Variants in TMEM230 observed in about 807,000 individuals in gnomAD.
TMEM230 encodes transmembrane protein 230.
A neutral mutation model predicts 15.8 loss-of-function variants in TMEM230; 10 were observed. The observed-to-expected ratio is 0.63, with a 90% CI of 0.39 to 1.07. The LOEUF is 1.07. Among genes scored for constraint, TMEM230 ranks in the 50% least tolerant of loss-of-function variants. The probability of loss-of-function intolerance (pLI) is 0.01; values close to 1 mark genes in which losing one functional copy is unlikely to be tolerated. For synonymous variants in TMEM230, 67 were observed against 76.9 expected (o/e 0.87, Z 0.68); for missense variants, 165 against 193.3 (o/e 0.85, Z 0.87).
intron 4 of TMEM230, among the ~76,000 whole-genome samples, chr20:5,103,279 T>A (rs952582862): frequency 6.6e-6 from 1 of 151,380 alleles, no homozygotes; most frequent in Non-Finnish European, 1.5e-5. Flanking sequence ...CTGGGCAACA[T>A]AATGAGATCT....
downstream of TMEM230, among the ~76,000 whole-genome samples, chr20:5,099,224 AAATAAATAAAT>A (rs2089757327): frequency 8.0e-6 from 1 of 125,490 alleles, no homozygotes; most frequent in Admixed American, 8.6e-5. Flanking sequence ...ATAAATAAAT[AAATAAATAAAT>A]CAATCAATCA....
chr20:5,078,125 A>G (rs1319414423), intron 3 of TMEM230, among the ~76,000 whole-genome samples: 3 of 152,190 alleles, frequency 2.0e-5, no homozygotes, highest in Non-Finnish European at 2.9e-5. Flanking sequence ...AGACATGTCA[A>G]TTAGACACAG....
downstream of TMEM230, among the ~76,000 whole-genome samples, chr20:5,063,407 C>A (rs904840838): frequency 6.6e-6 from 1 of 150,386 alleles, no homozygotes; most frequent in African/African-American, 2.5e-5. Context: ...CCTGCCTCAG[C>A]CTACTGAGTA....
At chr20:5,091,310 A>C (rs1251113496) in intron 3 of TMEM230, among the ~76,000 whole-genome samples, 1 of 152,146 alleles carries the variant, frequency 6.6e-6, no homozygotes, top group Non-Finnish European at 1.5e-5. Flanking sequence ...TCCCCGGTTC[A>C]AGTGATTCTC....
intron 3 of TMEM230, among the ~76,000 whole-genome samples, chr20:5,085,878 G>A (rs1405763608): frequency 6.6e-6 from 1 of 152,078 alleles, no homozygotes; most frequent in Non-Finnish European, 1.5e-5. Flanking sequence ...GGCCCCTCGT[G>A]TTACAACCTC....
At chr20:5,069,058 T>A (rs2088739990) in exon 4 of TMEM230, 1 of 814,368 alleles carries the variant, frequency 1.2e-6, no homozygotes. Flanking sequence ...CCTCCACATA[T>A]CCTGCTCTTA....
downstream of TMEM230, among the ~76,000 whole-genome samples, chr20:5,064,008 G>C (rs1043446202): frequency 6.6e-6 from 1 of 152,108 alleles, no homozygotes; most frequent in Admixed American, 6.6e-5. Context: ...GTGCGCATCT[G>C]TAATCCCAGC....
At chr20:5,081,263 T>C (rs1052317299) in intron 3 of TMEM230, among the ~76,000 whole-genome samples, 2 of 152,026 alleles carry the variant, frequency 1.3e-5, no homozygotes, top group Non-Finnish European at 2.9e-5. Flanking sequence ...CTGCTGTAAG[T>C]GGGCGGTGGG....
downstream of TMEM230, among the ~76,000 whole-genome samples, chr20:5,097,664 G>C (rs1332472647): frequency 2.0e-5 from 3 of 152,134 alleles, no homozygotes; most frequent in African/African-American, 7.2e-5. Context: ...TTGAGACGGA[G>C]TCTCACTCTG....
intron 1 of TMEM230, among the ~76,000 whole-genome samples, chr20:5,112,251 C>G (rs185104387): frequency 6.6e-6 from 1 of 152,318 alleles, no homozygotes; most frequent in East Asian, 1.9e-4. Flanking sequence ...GTCTAGAAAT[C>G]AAGTATTTAA....
intron 3 of TMEM230, among the ~76,000 whole-genome samples, chr20:5,086,791 C>T (rs879140739): frequency 6.6e-6 from 1 of 151,750 alleles, no homozygotes; most frequent in Non-Finnish European, 1.5e-5. Context: ...CCTCAACCTT[C>T]TAGCCTCAAG....
At chr20:5,079,818 G>A (rs1277128889) in intron 3 of TMEM230, among the ~76,000 whole-genome samples, 1 of 151,948 alleles carries the variant, frequency 6.6e-6, no homozygotes, top group East Asian at 1.9e-4. Flanking sequence ...GCAGAGGTGC[G>A]ATCCTGGCTC....
the TMEM230 span, among the ~76,000 whole-genome samples, chr20:5,061,643 A>G: frequency 6.6e-6 from 1 of 152,208 alleles, no homozygotes; most frequent in Non-Finnish European, 1.5e-5. Context: ...AACATAGGTC[A>G]TAGGCTGATC....
chr20:5,067,109 G>A (rs981049692), downstream of TMEM230: 5 of 152,016 alleles, frequency 3.3e-5, no homozygotes, highest in East Asian at 1.9e-4. Context: ...TGATCACTGC[G>A]GGCACCAGGC....
Position 5,100,738 on chromosome 20 carries a change from T to G in TMEM230, c.*53A>C. On this transcript the variant is annotated 3_prime_UTR_variant, in exon 5 of 5. Coordinates refer to ENST00000342308, the MANE Select transcript of TMEM230 (RefSeq NM_001009923.2). ...CCTCAGCTATAGTTTCTGCTAGATA[T>G]CTTAAAGCTGGGACAGTTCCACTGT... 6.3e-7 allele frequency: 1 copy of G among 1,598,660 alleles called. No homozygotes were observed.
intron 4 of TMEM230, among the ~76,000 whole-genome samples, chr20:5,105,298 ATATGTATG>A (rs749794816): frequency 1.3e-5 from 2 of 151,860 alleles, no homozygotes; most frequent in Non-Finnish European, 1.5e-5. Context: ...AAATATATAT[ATATGTATG>A]TATGTATGTA....
intron 3 of TMEM230, among the ~76,000 whole-genome samples, chr20:5,107,511 T>C (rs1489933100): frequency 6.6e-6 from 1 of 152,232 alleles, no homozygotes; most frequent in Non-Finnish European, 1.5e-5. Context: ...AAATCATTCA[T>C]TGTATCATAA....
chr20:5,099,374 C>T (rs1267048154), downstream of TMEM230, among the ~76,000 whole-genome samples: 1 of 152,114 alleles, frequency 6.6e-6, no homozygotes, highest in Non-Finnish European at 1.5e-5. Flanking sequence ...CTCAGGCACT[C>T]TAGATTACTG....
chr20:5,096,919 G>A (rs1255607494), downstream of TMEM230, among the ~76,000 whole-genome samples: 1 of 152,300 alleles, frequency 6.6e-6, no homozygotes, highest in East Asian at 1.9e-4. Flanking sequence ...AGGAAAATTA[G>A]CATGCTGGAT....
Sources: allele counts gnomAD v4.1 joint callset (sites outside exome capture counted in the v4.1 genomes callset), GRCh38; gene constraint gnomAD v4.1.1; transcripts MANE v1.5; gene names NCBI Gene and HGNC (gene_info 2026-07-23, HGNC 2026-07-21).